LUC7L3: variants seen among roughly 807,000 people sequenced by gnomAD.
The protein encoded by LUC7L3 is luc7-like protein 3.
A neutral mutation model predicts 66.8 loss-of-function variants in LUC7L3; 6 were observed. That is an observed-to-expected ratio of 0.09 (90% CI 0.05 to 0.18). LUC7L3 has a LOEUF of 0.18. Ranked by LOEUF, LUC7L3 falls within the 10% of genes least tolerant of loss-of-function variation. LUC7L3 has a pLI of 1.00. For missense variants in LUC7L3, 341 were observed against 531.1 expected (o/e 0.64, Z 3.52); for synonymous variants, 160 against 174.7 (o/e 0.92, Z 0.66).
chr17:50,748,763 A>G (rs1016636448), intron 9 of LUC7L3, among the ~76,000 whole-genome samples: 1 of 152,198 alleles, frequency 6.6e-6, no homozygotes, highest in African/African-American at 2.4e-5. Context: ...ATGATTGGGT[A>G]TGCTATGATA....
In LUC7L3 at chr17:50,754,245, A is replaced by C. The variant is rs1971069199; in HGVS notation, c.*3584A>C. On this transcript the variant is annotated 3_prime_UTR_variant, in exon 10 of 10. Transcript: ENST00000505658. ...TGCAATCAGTTGGTCTTAAAAAAAA[A>C]AAAACTTTATTTTGGAAATTTAAAG... is the stretch of plus-strand genomic sequence containing the variant. 1 of 152,206 alleles carries C rather than the reference A, an allele frequency of 6.6e-6. No individual in the cohort carries two copies. The highest frequency in any genetic ancestry group is 2.1e-4 in the South Asian group (1 of 4,826). 9.4% of individuals were successfully genotyped at this position (152,206 alleles called of 1,614,324 possible).
chr17:50,752,323 T>TGTA lies in LUC7L3; in HGVS notation c.*1662_*1663insGTA. ...AAAAGTATAAAGCTCAGTTAGTTTT[T>TGTA]TTATTATTATTATTATTAAAAGTTA... On this transcript the variant is annotated 3_prime_UTR_variant, in exon 10 of 10. Transcript: ENST00000505658. The TGTA allele has an allele frequency of 1.2e-6, 1 of 810,530 alleles. No individual in the cohort carries two copies. Among genetic ancestry groups the TGTA allele is most frequent in the Non-Finnish European group, 1.7e-6 (1 of 592,394 alleles). 50.2% of individuals were successfully genotyped at this position (810,530 alleles called of 1,614,324 possible).
chr17:50,740,182 A>G (rs1310045704), intron 2 of LUC7L3, 124 bp from the exon 3 acceptor site: 7 of 713,176 alleles, frequency 9.8e-6, no homozygotes, highest in Non-Finnish European at 1.2e-5. Context: ...TTAGATGTCT[A>G]CAAACTACTC....
chr17:50,727,721 G>A (rs1479591090), intron 1 of LUC7L3, among the ~76,000 whole-genome samples: 1 of 152,168 alleles, frequency 6.6e-6, no homozygotes, highest in Non-Finnish European at 1.5e-5. Flanking sequence ...GAGAAAAATC[G>A]GTGAATTTGG....
chr17:50,719,912 G>C, intron 1 of LUC7L3, 81 bp downstream of exon 1: 2 of 1,331,398 alleles, frequency 1.5e-6, no homozygotes, highest in Non-Finnish European at 2.1e-6. Flanking sequence ...CCTGGCCGCG[G>C]CGCGATGTGG....
In LUC7L3 at chr17:50,752,508, C is replaced by G. The variant is rs189752694; in HGVS notation, c.*1847C>G. 6.1e-6 allele frequency: 1 copy of G among 165,092 alleles called. No homozygotes were observed. Among genetic ancestry groups the G allele is most frequent in the Non-Finnish European group, 1.3e-5 (1 of 76,296 alleles). The allele number at this position is 165,092 out of a possible 1,614,324, so 10.2% of individuals were successfully genotyped here. A position where few individuals can be genotyped will look rare whatever the true frequency, so the allele number is the denominator to read the frequency against. On this transcript the variant is annotated 3_prime_UTR_variant, in exon 10 of 10. Transcript: ENST00000505658. ...CAGTGTTTAATTGCAAGTTTTCAAT[C>G]TTGGACTTTGAAAACAGGATTAAAC...
At chr17:50,730,513 C>CAAAAAAAAAAAAAAAAAAAAAAAAAAAAA (rs3063109) in intron 1 of LUC7L3, among the ~76,000 whole-genome samples, 6 of 59,086 alleles carry the variant, frequency 1.0e-4, no homozygotes, top group African/African-American at 1.5e-4. Flanking sequence ...ACTCTGTCTC[C>CAAAAAAAAAAAAAAAAAAAAAAAAAAAAA]AAAAAAAAAA....
chr17:50,746,759 A>C, intron 9 of LUC7L3, 57 bp downstream of exon 9: 1 of 1,495,022 alleles, frequency 6.7e-7, no homozygotes, highest in Non-Finnish European at 9.1e-7. Flanking sequence ...TAATCGCCCC[A>C]CTCACTTTTC....
intron 1 of LUC7L3, among the ~76,000 whole-genome samples, chr17:50,726,667 C>G (rs1052352463): frequency 2.0e-5 from 3 of 152,120 alleles, no homozygotes; most frequent in Non-Finnish European, 4.4e-5. Context: ...ATACAGATGA[C>G]CTAAACTTAG....
At position 50,744,647 on chromosome 17, in the gene LUC7L3, T is replaced by C. The variant is rs760699029; in HGVS notation, c.532-5T>C. On this transcript the variant is annotated splice_polypyrimidine_tract_variant and splice_region_variant and intron_variant, in intron 6 of 9. Coordinates refer to ENST00000505658, the MANE Select transcript of LUC7L3 (RefSeq NM_016424.5). ...GTTCTTAAAATAACTGATTTATCAT[T>C]TTAGACAATTGAAAGCTTTGCTGCA... 1 of 1,607,490 alleles carries C rather than the reference T, an allele frequency of 6.2e-7. No individual in the cohort carries two copies. Among genetic ancestry groups the C allele is most frequent in the African/African-American group, 1.3e-5 (1 of 74,484 alleles).
At chr17:50,740,758 C>T (rs1168331353) in intron 3 of LUC7L3, among the ~76,000 whole-genome samples, 2 of 152,162 alleles carry the variant, frequency 1.3e-5, no homozygotes, top group Non-Finnish European at 2.9e-5. Flanking sequence ...CAGGGTTTCA[C>T]CATGTTGGCC....
chr17:50,740,407 G>T, intron 3 of LUC7L3, 62 bp downstream of exon 3: 2 of 1,439,594 alleles, frequency 1.4e-6, no homozygotes, highest in Non-Finnish European at 1.9e-6. Flanking sequence ...GTGGGACAAG[G>T]GTTGAGGAAT....
At chr17:50,749,149 C>A in intron 9 of LUC7L3, 1 of 1,180,936 alleles carries the variant, frequency 8.5e-7, no homozygotes, top group Non-Finnish European at 1.1e-6. Context: ...CTTTTTTCAT[C>A]CATAGCCCTA....
At chr17:50,723,822 A>C (rs1350273381) in intron 1 of LUC7L3, 2 of 347,734 alleles carry the variant, frequency 5.8e-6, no homozygotes, top group African/African-American at 4.4e-5. Context: ...TTTTTAGTCG[A>C]CAGGGTTTTG....
At chr17:50,720,445 A>G (rs1190704009) in intron 1 of LUC7L3, among the ~76,000 whole-genome samples, 1 of 152,196 alleles carries the variant, frequency 6.6e-6, no homozygotes, top group African/African-American at 2.4e-5. Context: ...TAGCCCGGGG[A>G]GTAAAGGTAA....
At chr17:50,723,574 G>A (rs1968938151) in intron 1 of LUC7L3, 1 of 154,298 alleles carries the variant, frequency 6.5e-6, no homozygotes, top group Non-Finnish European at 1.4e-5. Context: ...TTTTCATTCA[G>A]AGTCACCAAA....
intron 4 of LUC7L3, 142 bp from the exon 5 acceptor site, chr17:50,741,515 A>C (rs1299750634): frequency 4.9e-6 from 3 of 616,268 alleles, no homozygotes; most frequent in Non-Finnish European, 8.4e-6. Flanking sequence ...ATTGACCAAC[A>C]GAAGTTGAAG....
Position 50,741,155 on chromosome 17 carries a change from G to A in LUC7L3, c.260G>A (p.Arg87Gln), listed in dbSNP as rs758528585. 1 of 1,614,098 alleles carries A rather than the reference G, an allele frequency of 6.2e-7. No individual in the cohort carries two copies. Among genetic ancestry groups the A allele is most frequent in the Non-Finnish European group, 8.5e-7 (1 of 1,179,986 alleles). ...MKVGYERDFL[R>Q]YLQSLLAEVE... ...GTTGGCTATGAGAGAGATTTTTTGC[G>A]ATACTTACAGAGCTTACTTGCAGAA... is the stretch of plus-strand genomic sequence containing the variant. The change falls in exon 4 of 10, where the codon CGA (arginine) becomes CAA (glutamine). Residue 87 changes from arginine to glutamine, a missense_variant. Physicochemically the swap from Arg to Gln is conservative, Grantham distance 43. This residue lies in a region of LUC7L3 where 86 missense variants were observed against 172.0 expected (regional missense o/e 0.50). Transcript: ENST00000505658.
chr17:50,749,348 A>G, intron 9 of LUC7L3: 1 of 1,288,506 alleles, frequency 7.8e-7, no homozygotes, highest in Non-Finnish European at 1.0e-6. Flanking sequence ...CCACAAGGTC[A>G]GTTAGAGCCC....
Sources: gnomAD v4.1 joint callset for allele counts (sites outside exome capture counted in the v4.1 genomes callset) on GRCh38, gnomAD v4.1.1 for gene constraint, gnomAD v4.1.1 regional missense constraint, MANE v1.5 for transcripts, NCBI Gene and HGNC (gene_info 2026-07-23, HGNC 2026-07-21) for gene names.